Variants in SEC16A observed in about 807,000 individuals in gnomAD.
The protein encoded by SEC16A is protein transport protein Sec16A.
SEC16A carries 110 observed loss-of-function variants against 221.9 expected under a neutral mutation model. That is an observed-to-expected ratio of 0.50 (90% CI 0.42 to 0.58). The LOEUF is 0.58. Ranked by LOEUF, SEC16A falls within the 20% of genes least tolerant of loss-of-function variation. The pLI, the probability that SEC16A is intolerant of heterozygous loss-of-function variation, is 0.00. For missense variants in SEC16A, 3,165 were observed against 3,097.8 expected (o/e 1.02, Z -0.52); for synonymous variants, 1,393 against 1,257.7 (o/e 1.11, Z -2.28).
Position 136,476,505 on chromosome 9 carries a change from C to T in SEC16A, c.1111G>A (p.Ala371Thr), listed in dbSNP as rs750411223. The change falls in exon 3 of 32, where the codon GCT (alanine) becomes ACT (threonine). Residue 371 changes from alanine (A) to threonine (T), a missense_variant. Ala to Thr is a moderately conservative substitution (Grantham distance 58). This residue lies in a region of SEC16A where 2,030 missense variants were observed against 1,923.1 expected (regional missense o/e 1.06). Coordinates refer to ENST00000684901, the MANE Select transcript of SEC16A (RefSeq NM_014866.2). ...PLEADSGASGALAMFFQGGET... is the reference protein window; with the variant it reads ...PLEADSGASGTLAMFFQGGET... ...CCCCCTTGGAAAAACATCGCCAGAG[C>T]TCCTGAAGCTCCTGAGTCTGCTTCT... is the stretch of plus-strand genomic sequence containing the variant. 1.2e-5 allele frequency: 19 copies of T among 1,591,094 alleles called. No homozygotes were observed. Among genetic ancestry groups the T allele is most frequent in the Non-Finnish European group, 1.4e-5 (16 of 1,160,686 alleles).
chr9:136,457,055 C>G (rs1426423570), intron 18 of SEC16A, among the ~76,000 whole-genome samples: 2 of 152,206 alleles, frequency 1.3e-5, no homozygotes, highest in Non-Finnish European at 2.9e-5. Context: ...CGCCTGTAAT[C>G]CCAGCTACTT....
Position 136,447,886 on chromosome 9 carries a change from G to T in SEC16A, c.6414C>A (p.Asn2138Lys). The change falls in exon 25 of 32, where the codon AAC becomes AAA. Residue 2138 changes from asparagine (N) to lysine (K), a missense_variant. Around this residue, in one of 3 missense-constraint regions of SEC16A, gnomAD observed 1,088 missense variants for 1,089.6 expected, o/e 1.00. Coordinates refer to ENST00000684901, the MANE Select transcript of SEC16A (RefSeq NM_014866.2). The surrounding 1 kb of genome is among the most constrained non-coding windows in gnomAD (Gnocchi z 5.5). ...NKSIVWDEKK[N>K]QWVNLNEPEE... is the part of the protein sequence containing the mutation. Reference sequence around the variant, plus strand: ...CTGGCTCATTTAAATTCACCCACTGGTTTTTCTTTTCATCCCAAACAATCT... The same window carrying T: ...CTGGCTCATTTAAATTCACCCACTGTTTTTTCTTTTCATCCCAAACAATCT... 2 of 1,609,618 alleles carry T rather than the reference G, an allele frequency of 1.2e-6. No homozygotes were observed. Among genetic ancestry groups the T allele is most frequent in the Non-Finnish European group, 1.7e-6 (2 of 1,177,688 alleles).
rs147515633 is a variant in SEC16A, at chr9:136,441,724, G to A, written c.*31C>T. The A allele has an allele frequency of 1.3e-3, 2,036 of 1,604,082 alleles. 2 individuals are homozygous for A. The highest frequency in any genetic ancestry group is 1.7e-3 in the Non-Finnish European group (1,971 of 1,171,538). ...CTTCGGGGAGAACAGCAGCGTCAGG[G>A]CTCCAAGTGCAAGTTCACAGCAGGG... is the stretch of plus-strand genomic sequence containing the variant. On this transcript the variant is annotated 3_prime_UTR_variant, in exon 32 of 32. Coordinates refer to ENST00000684901, the MANE Select transcript of SEC16A (RefSeq NM_014866.2).
chr9:136,475,402 G>A lies in SEC16A; in HGVS notation c.2214C>T (p.Val738=). The A allele has an allele frequency of 6.2e-7, 1 of 1,610,552 alleles. No homozygotes were observed. The highest frequency in any genetic ancestry group is 8.5e-7 in the Non-Finnish European group (1 of 1,177,630). The part of the protein sequence containing the change: ...QSELPDFGGN[V]LLAPAAPALY... ...GCGCCGGGGCTGCAGGGGCCAGAAG[G>A]ACGTTGCCTCCAAAATCTGGCAGCT... The change falls in exon 3 of 32, where the codon GTC becomes GTT. Residue 738 remains valine (V), a synonymous_variant. Transcript: ENST00000684901. This position sits in a 1 kb window ranked among gnomAD's most constrained non-coding sequence, Gnocchi z 5.0.
In SEC16A at chr9:136,445,851, A is replaced by C. The variant is rs1836901287; in HGVS notation, c.6793-132T>G. 37 of 774,518 alleles carry C rather than the reference A, an allele frequency of 4.8e-5. No individual in the cohort carries two copies. The South Asian group carries it at 5.9e-4, about 12-fold the overall frequency. 48.0% of individuals were successfully genotyped at this position (774,518 alleles called of 1,614,324 possible). ...CTTCCACGTAAAGTGCTCCTCAGAG[A>C]GAAGTGAAAAGTGCCTCACACGTGG... On this transcript the variant is annotated intron_variant, in intron 28 of 31. Coordinates refer to ENST00000684901, the MANE Select transcript of SEC16A (RefSeq NM_014866.2).
intron 28 of SEC16A, among the ~76,000 whole-genome samples, chr9:136,446,441 T>C (rs1836996261): frequency 6.6e-6 from 1 of 151,366 alleles, no homozygotes; most frequent in Non-Finnish European, 1.5e-5. Flanking sequence ...ATGGGAGTCA[T>C]TTGTTTTTTG....
rs1403099689 is a variant in SEC16A at position 136,453,404 on chromosome 9, G to C, written c.6159+24C>G. ...CGATGAACTTTATGGAAAACAAACA[G>C]TTTAAGAAAATGTGACAAAGTACCA... On this transcript the variant is annotated intron_variant, in intron 22 of 31. Transcript: ENST00000684901. 5 of 1,588,032 alleles carry C rather than the reference G, an allele frequency of 3.1e-6. No individual in the cohort carries two copies. The Admixed American group carries it at 8.3e-5, about 26-fold the overall frequency.
In SEC16A at chr9:136,441,465, C is replaced by T; in HGVS notation, c.*290G>A. 4.3e-6 allele frequency: 2 copies of T among 466,654 alleles called. No homozygotes were observed. The highest frequency in any genetic ancestry group is 7.7e-5 in the East Asian group (2 of 25,910). 28.9% of individuals were successfully genotyped at this position (466,654 alleles called of 1,614,324 possible). A position where few individuals can be genotyped will look rare whatever the true frequency, so the allele number is the denominator to read the frequency against. ...GAACATTCTTAAATGACCAGGAATA[C>T]TATATCCTTAAATCATCCTAAATGA... is the stretch of plus-strand genomic sequence containing the variant. On this transcript the variant is annotated 3_prime_UTR_variant, in exon 32 of 32. Transcript: ENST00000684901.
At chr9:136,482,046 T>A (rs573213428) in intron 1 of SEC16A, among the ~76,000 whole-genome samples, 25 of 152,184 alleles carry the variant, frequency 1.6e-4, no homozygotes, top group Non-Finnish European at 2.9e-5. Flanking sequence ...AAGTACAATT[T>A]TGAGACTCAC....
At position 136,476,007 on chromosome 9, in the gene SEC16A, C is replaced by G. The variant is rs769530304; in HGVS notation, c.1609G>C (p.Ala537Pro). ...SRSHGRLSGSARPQELVGTFI... is the reference protein window; with the variant it reads ...SRSHGRLSGSPRPQELVGTFI... The stretch of plus-strand genomic sequence containing the variant: ...GTGCCAACCAGCTCCTGGGGCCTGG[C>G]TGAGCCTGAGAGCCTTCCGTGGCTT... The change falls in exon 3 of 32, where the codon GCC becomes CCC. Residue 537 changes from alanine to proline, a missense_variant. Physicochemically the swap from Ala to Pro is conservative, Grantham distance 27 (BLOSUM62 -1). Transcript: ENST00000684901. The G allele has an allele frequency of 9.9e-6, 16 of 1,613,140 alleles. No homozygotes were observed. The highest frequency in any genetic ancestry group is 1.4e-5 in the Non-Finnish European group (16 of 1,179,832).
chr9:136,463,396 C>T, intron 11 of SEC16A, 67 bp downstream of exon 11: 1 of 1,575,150 alleles, frequency 6.3e-7, no homozygotes, highest in Non-Finnish European at 8.7e-7. Context: ...CTTCGGGAGG[C>T]TGAGCATTCC....
chr9:136,465,940 C>G (rs941186162), intron 8 of SEC16A, 22 bp downstream of exon 8: 23 of 1,606,050 alleles, frequency 1.4e-5, no homozygotes, highest in Non-Finnish European at 2.0e-5. Context: ...GCCGGTATCC[C>G]TCTGTCCTGC....
rs377307500 is a variant in SEC16A, at chr9:136,462,894, C to T, written c.4886G>A (p.Arg1629His). The T allele has an allele frequency of 2.7e-5, 44 of 1,600,470 alleles. No individual in the cohort carries two copies. Among genetic ancestry groups the T allele is most frequent in the South Asian group, 5.5e-5 (5 of 91,086 alleles). Residue 1629 changes from arginine (R) to histidine (H), a missense_variant, in exon 12 of 32, where the codon CGT becomes CAT. By Grantham distance (29) the Arg-to-His change is conservative. Transcript: ENST00000684901. Reference protein sequence around the residue: ...ERFRELLLYGRKKDALESAMK... With the variant: ...ERFRELLLYGHKKDALESAMK... ...CATGATGAGGAGGCGCACCTTCTTA[C>T]GGCCATACAGCAACAGCTCCCTGAA...
chr9:136,464,330 A>G, intron 9 of SEC16A, 90 bp downstream of exon 9: 1 of 1,241,590 alleles, frequency 8.1e-7, no homozygotes, highest in East Asian at 2.5e-5. Context: ...TCCAGAGACA[A>G]GGTCTGACAA....
chr9:136,454,258 G>A lies in SEC16A; in HGVS notation c.5927C>T (p.Pro1976Leu). The A allele has an allele frequency of 6.3e-7, 1 of 1,581,536 alleles. No homozygotes were observed. Among genetic ancestry groups the A allele is most frequent in the Non-Finnish European group, 8.6e-7 (1 of 1,164,254 alleles). ...AGGACCCGGCTCCAGGGGCCCCGGG[G>A]GCAGTGGCACTGGGAACATCGGCAC... ...ARVPMFPVPL[P>L]PGPLEPGPGC... The change falls in exon 21 of 32, where the codon CCC becomes CTC. Residue 1976 changes from proline (P) to leucine (L), a missense_variant. This residue lies in a region of SEC16A where 1,088 missense variants were observed against 1,089.6 expected (regional missense o/e 1.00). Transcript: ENST00000684901.
chr9:136,458,327 A>C (rs1335980414), intron 17 of SEC16A, among the ~76,000 whole-genome samples: 1 of 152,036 alleles, frequency 6.6e-6, no homozygotes, highest in Non-Finnish European at 1.5e-5. Context: ...CCGCCCTCAA[A>C]TATTAAAAAT....
intron 29 of SEC16A, 140 bp from the exon 30 acceptor site, chr9:136,445,251 AG>A: frequency 1.4e-6 from 1 of 740,300 alleles, no homozygotes. Context: ...AAAAAAAGCC[AG>A]TGTTAGCTTA....
rs574117351 is a variant in SEC16A at position 136,476,083 on chromosome 9, G to C, written c.1533C>G (p.Ala511=). The change falls in exon 3 of 32, where the codon GCC becomes GCG. Residue 511 remains alanine (A), a synonymous_variant. Transcript: ENST00000684901. ...TGTCAGGGTGCACTGTATGCAGTGT[G>C]GCATCAGGGGCTCCGGTGTGGCACA... ...GAVCHTGAPD[A]TLHTVHPDSV... 7.4e-6 allele frequency: 12 copies of C among 1,613,528 alleles called. No individual in the cohort carries two copies. Among genetic ancestry groups the C allele is most frequent in the Non-Finnish European group, 1.0e-5 (12 of 1,179,890 alleles).
chr9:136,484,409 G>A (rs957457406), upstream of SEC16A: 2 of 1,195,114 alleles, frequency 1.7e-6, no homozygotes, highest in Admixed American at 7.3e-5. Context: ...ATTTTTCGGA[G>A]GAGCCGAGGG....
Sources: allele counts gnomAD v4.1 joint callset (sites outside exome capture counted in the v4.1 genomes callset), GRCh38; gene constraint gnomAD v4.1.1; regional missense constraint gnomAD v4.1.1; non-coding constraint Gnocchi (gnomAD v3.1); transcripts MANE v1.5; gene names NCBI Gene and HGNC (gene_info 2026-07-23, HGNC 2026-07-21).